The following ATR variants were observed in gnomAD, a reference collection of about 807,000 sequenced individuals.
ATR encodes the protein ATR checkpoint kinase.
ATR carries 142 observed loss-of-function variants against 305.3 expected under a neutral mutation model. The ratio of observed to expected loss-of-function variants is 0.47; its 90% CI spans 0.41 to 0.53. ATR has a LOEUF of 0.53. ATR is among the 20% of genes least tolerant of loss of function. The pLI is 0.00. For missense variants in ATR, 2,135 were observed against 3,133.1 expected, an observed-to-expected ratio of 0.68 and a Z score of 7.60; for synonymous variants, 1,050 against 1,068.1, an observed-to-expected ratio of 0.98 and a Z score of 0.33.
At chr3:142,531,725 T>C (rs2033656152) in intron 21 of ATR, among the ~76,000 whole-genome samples, 1 of 152,240 alleles carries the variant, frequency 6.6e-6, no homozygotes, top group Admixed American at 6.5e-5. Flanking sequence ...TATGTGTGCA[T>C]GTGTCTTTAT....
chr3:142,517,485 C>T (rs1004257190), intron 24 of ATR, among the ~76,000 whole-genome samples: 1 of 152,126 alleles, frequency 6.6e-6, no homozygotes, highest in African/African-American at 2.4e-5. Context: ...AATTGAGCTA[C>T]AGGCTAACCT....
rs761299348 is a variant in ATR, at chr3:142,556,599, C to T, written c.1886-24G>A. Reference sequence around the variant, plus strand: ...TGCTGAAAAAATTAAGTCTATTAAACAAGATTTCTACTAATGTTAATTTTA... The same window carrying T: ...TGCTGAAAAAATTAAGTCTATTAAATAAGATTTCTACTAATGTTAATTTTA... On this transcript the variant is annotated intron_variant, in intron 8 of 46. Coordinates refer to ENST00000350721, the MANE Select transcript of ATR (RefSeq NM_001184.4). The T allele has an allele frequency of 9.3e-6, 15 of 1,606,458 alleles. No homozygotes were observed. In the South Asian group the frequency reaches 1.7e-4, roughly 18 times the overall value.
intron 36 of ATR, among the ~76,000 whole-genome samples, chr3:142,481,928 T>C (rs180826530): frequency 1.6e-3 from 240 of 152,144 alleles, no homozygotes; most frequent in African/African-American, 5.6e-3. Flanking sequence ...GCTCAAGCAA[T>C]CCTCTTGGCT....
intron 18 of ATR, among the ~76,000 whole-genome samples, chr3:142,540,594 A>C (rs2108436753): frequency 6.6e-6 from 1 of 152,222 alleles, no homozygotes; most frequent in African/African-American, 2.4e-5. Flanking sequence ...GATCTTCTCT[A>C]AAATACCCCA....
rs115097590 is a variant in ATR at position 142,563,129 on chromosome 3, G to A, written c.293-20C>T. 28,853 of 1,590,480 alleles carry A rather than the reference G, an allele frequency of 0.018. 315 individuals are homozygous for A. Among genetic ancestry groups the A allele is most frequent in the Non-Finnish European group, 0.022 (25,357 of 1,170,322 alleles). On this transcript the variant is annotated intron_variant, in intron 3 of 46. Coordinates refer to ENST00000350721, the MANE Select transcript of ATR (RefSeq NM_001184.4). Reference sequence around the variant, plus strand: ...TGAATTCTTTGAAATAAACAAAAAAGATATTAAATAAACAAGTATATCCGA... The same window carrying A: ...TGAATTCTTTGAAATAAACAAAAAAAATATTAAATAAACAAGTATATCCGA...
At chr3:142,547,195 A>G (rs1199032839) in intron 16 of ATR, among the ~76,000 whole-genome samples, 1 of 144,318 alleles carries the variant, frequency 6.9e-6, no homozygotes, top group African/African-American at 2.5e-5. Flanking sequence ...AATTTATGGT[A>G]GGGAAAGATT....
At chr3:142,485,362 G>A in intron 35 of ATR, 80 bp from the exon 36 acceptor site, 2 of 1,522,026 alleles carry the variant, frequency 1.3e-6, no homozygotes, top group Non-Finnish European at 1.8e-6. Context: ...GATGATTAGG[G>A]ATCAAAAGTA....
At chr3:142,509,294 G>C (rs1169995424) in intron 27 of ATR, among the ~76,000 whole-genome samples, 1 of 152,068 alleles carries the variant, frequency 6.6e-6, no homozygotes, top group Non-Finnish European at 1.5e-5. Context: ...CTCCCGAGTA[G>C]CTGGGACCAT....
chr3:142,511,908 G>C (rs569703592), intron 27 of ATR, among the ~76,000 whole-genome samples: 1 of 152,066 alleles, frequency 6.6e-6, no homozygotes, highest in Non-Finnish European at 1.5e-5. Flanking sequence ...GAGGTCAGGA[G>C]TTCGAGACCA....
Position 142,563,129 on chromosome 3 carries a change from G to T in ATR, c.293-20C>A. On this transcript the variant is annotated intron_variant, in intron 3 of 46. Transcript: ENST00000350721. Reference sequence around the variant, plus strand: ...TGAATTCTTTGAAATAAACAAAAAAGATATTAAATAAACAAGTATATCCGA... The same window carrying T: ...TGAATTCTTTGAAATAAACAAAAAATATATTAAATAAACAAGTATATCCGA... 6.3e-7 allele frequency: 1 copy of T among 1,590,696 alleles called. No individual in the cohort carries two copies. Among genetic ancestry groups the T allele is most frequent in the East Asian group, 2.2e-5 (1 of 44,748 alleles).
chr3:142,484,728 G>A (rs569454448), intron 36 of ATR, among the ~76,000 whole-genome samples: 16 of 152,194 alleles, frequency 1.1e-4, no homozygotes, highest in Non-Finnish European at 2.9e-5. Flanking sequence ...GTGTCACCAA[G>A]CCCTCAACCT....
intron 36 of ATR, among the ~76,000 whole-genome samples, chr3:142,473,538 A>G (rs1577521158): frequency 6.7e-6 from 1 of 149,382 alleles, no homozygotes; most frequent in African/African-American, 2.4e-5. Context: ...TGATGCCTTC[A>G]GCTTTATTCT....
Position 142,449,342 on chromosome 3 carries a change from A to G in ATR, c.*87T>C, listed in dbSNP as rs1364309401. On this transcript the variant is annotated 3_prime_UTR_variant, in exon 47 of 47. Coordinates refer to ENST00000350721, the MANE Select transcript of ATR (RefSeq NM_001184.4). ...TGCTGAGAACGTAAATTTATGTTGT[A>G]CTTTAGAATTGAACAGATACAACCA... is the stretch of plus-strand genomic sequence containing the variant. 2 of 1,266,716 alleles carry G rather than the reference A, an allele frequency of 1.6e-6. No homozygotes were observed. Among genetic ancestry groups the G allele is most frequent in the African/African-American group, 3.0e-5 (2 of 67,016 alleles). 78.5% of individuals were successfully genotyped at this position (1,266,716 alleles called of 1,614,324 possible). A position where few individuals can be genotyped will look rare whatever the true frequency, so the allele number is the denominator to read the frequency against.
At chr3:142,577,165 C>G (rs2035466595) in intron 1 of ATR, among the ~76,000 whole-genome samples, 2 of 152,160 alleles carry the variant, frequency 1.3e-5, no homozygotes, top group Non-Finnish European at 2.9e-5. Context: ...TATTAGACAA[C>G]TCTCTGTGGG....
chr3:142,577,258 T>A (rs573019703), intron 1 of ATR, among the ~76,000 whole-genome samples: 1 of 152,192 alleles, frequency 6.6e-6, no homozygotes, highest in South Asian at 2.1e-4. Context: ...CGACTATATA[T>A]AATCCAAGAA....
Position 142,519,736 on chromosome 3 carries a change from C to G in ATR, c.4315G>C (p.Gly1439Arg). The G allele has an allele frequency of 6.2e-7, 1 of 1,614,084 alleles. No individual in the cohort carries two copies. Among genetic ancestry groups the G allele is most frequent in the Non-Finnish European group, 8.5e-7 (1 of 1,179,986 alleles). ...GGAAATCTCCTCCACAATTGGTGAC[C>G]TGGGCCGTTGGTCTCCATCTCTCTA... ...DCREMETNGP[G>R]HQLWRRFPEH... The change falls in exon 24 of 47, where the codon GGT becomes CGT. Residue 1439 changes from glycine (G) to arginine (R), a missense_variant. By Grantham distance (125) the Gly-to-Arg change is moderately radical. This residue lies in a region of ATR where 202 missense variants were observed against 252.9 expected (regional missense o/e 0.80). Transcript: ENST00000350721.
rs115498977 is a variant in ATR at position 142,481,900 on chromosome 3, G to A, written c.6221+3240C>T. Among the ~76,000 whole-genome samples, 914 of 151,542 alleles carry A rather than the reference G, an allele frequency of 6.0e-3. 9 individuals are homozygous for A. The highest frequency in any genetic ancestry group is 0.02 in the African/African-American group (838 of 41,256). On this transcript the variant is annotated intron_variant, in intron 36 of 46. Coordinates refer to ENST00000350721, the MANE Select transcript of ATR (RefSeq NM_001184.4). ...TGCAGTGGCATGATCATAGCTCTCCGCAATCTCCACCTCCTGGGCTCAAGC... is the reference window on the plus strand; with the variant it reads ...TGCAGTGGCATGATCATAGCTCTCCACAATCTCCACCTCCTGGGCTCAAGC...
In ATR at chr3:142,496,774, A is replaced by T. The variant is rs186017685; in HGVS notation, c.5738+239T>A. On this transcript the variant is annotated intron_variant, in intron 33 of 46. Transcript: ENST00000350721. ...ATTATGAACCTTATTCTTGATTTTT[A>T]TCAGTAAAAAACATATCCCCCAGAT... 3.9e-3 allele frequency among the ~76,000 whole-genome samples: 596 copies of T among 152,266 alleles called. 4 individuals carry two copies. The highest frequency in any genetic ancestry group is 0.014 in the African/African-American group (575 of 41,566).
intron 23 of ATR, among the ~76,000 whole-genome samples, chr3:142,520,621 A>C (rs868089862): frequency 2.0e-5 from 3 of 152,176 alleles, no homozygotes; most frequent in South Asian, 2.1e-4. Context: ...TCCAAAGAAA[A>C]GCCCTAGTTC....
Sources: gnomAD v4.1 joint callset for allele counts (sites outside exome capture counted in the v4.1 genomes callset) on GRCh38, gnomAD v4.1.1 for gene constraint, gnomAD v4.1.1 regional missense constraint, MANE v1.5 for transcripts, NCBI Gene and HGNC (gene_info 2026-07-23, HGNC 2026-07-21) for gene names.